HDAC9: variants seen among roughly 807,000 people sequenced by gnomAD.
HDAC9 encodes histone deacetylase 9.
Under a neutral mutation model 139.4 loss-of-function variants are expected in HDAC9, and 41 were observed. The ratio of observed to expected loss-of-function variants is 0.29; its 90% confidence interval spans 0.23 to 0.38. The LOEUF is 0.38. HDAC9 is among the 10% of genes least tolerant of loss of function. The probability of loss-of-function intolerance (pLI) is 1.00; values close to 1 mark genes in which losing one functional copy is unlikely to be tolerated. For missense variants in HDAC9, 1,147 were observed against 1,297.0 expected (o/e 0.88, Z 1.78); for synonymous variants, 517 against 476.2 (o/e 1.09, Z -1.12).
Position 18,793,067 on chromosome 7 carries a change from A to T in HDAC9, c.2215-278A>T, listed in dbSNP as rs1248510292. 2.5e-5 allele frequency: 10 copies of T among 400,394 alleles called. No homozygotes were observed. The Admixed American group carries it at 3.7e-4, about 15-fold the overall frequency. 24.8% of individuals were successfully genotyped at this position (400,394 alleles called of 1,614,324 possible). A position where few individuals can be genotyped will look rare whatever the true frequency, so the allele number is the denominator to read the frequency against. On this transcript the variant is annotated intron_variant, in intron 16 of 25. Coordinates refer to ENST00000686413, the MANE Select transcript of HDAC9 (RefSeq NM_178425.4). ...TTTGTAATGAGAAATCTAAACAGGG[A>T]ATGGCAGTGAGGCATGGCAGGAATG...
At chr7:18,646,580 C>A (rs1319178282) in intron 9 of HDAC9, among the ~76,000 whole-genome samples, 6 of 152,116 alleles carry the variant, frequency 3.9e-5, no homozygotes, top group Admixed American at 1.3e-4. Flanking sequence ...TTAAACATTG[C>A]ATTGACTTAC....
intron 1 of HDAC9, among the ~76,000 whole-genome samples, chr7:18,381,198 C>CAAAAAAAAAAAAAAAAAAAAAAAAGAAAA: frequency 1.4e-5 from 1 of 73,340 alleles, no homozygotes; most frequent in Non-Finnish European, 2.3e-5. Flanking sequence ...GACTCTGTCT[C>CAAAAAAAAAAAAAAAAAAAAAAAAGAAAA]AAAAAAAAAA....
intron 1 of HDAC9, among the ~76,000 whole-genome samples, chr7:18,294,302 T>C (rs1247695007): frequency 5.9e-5 from 9 of 152,112 alleles, no homozygotes; most frequent in Admixed American, 5.2e-4. Context: ...CCCTCTGGTT[T>C]TGGGTATTTA....
chr7:18,650,937 G>A (rs1025725861), intron 11 of HDAC9, among the ~76,000 whole-genome samples: 84 of 152,224 alleles, frequency 5.5e-4, no homozygotes, highest in Middle Eastern at 3.4e-3. Flanking sequence ...GCATATTCAC[G>A]TTGGGTATTC....
chr7:18,394,283 A>G (rs1786818161), intron 1 of HDAC9, among the ~76,000 whole-genome samples: 1 of 152,196 alleles, frequency 6.6e-6, no homozygotes, highest in African/African-American at 2.4e-5. Flanking sequence ...ATTTATTTTA[A>G]CAAATTAAAA....
chr7:18,977,334 C>A (rs1359975492), intron 25 of HDAC9, among the ~76,000 whole-genome samples: 1 of 152,174 alleles, frequency 6.6e-6, no homozygotes, highest in African/African-American at 2.4e-5. Context: ...AGGAAACTAA[C>A]ATCTGTTAGT....
chr7:18,854,443 G>A (rs1201111171), intron 21 of HDAC9, among the ~76,000 whole-genome samples: 4 of 152,180 alleles, frequency 2.6e-5, no homozygotes, highest in African/African-American at 7.2e-5. Context: ...TTGTAATGAC[G>A]TTGATAATGG....
chr7:18,534,353 C>T (rs1440221127), intron 2 of HDAC9, among the ~76,000 whole-genome samples: 1 of 151,952 alleles, frequency 6.6e-6, no homozygotes, highest in Non-Finnish European at 1.5e-5. Flanking sequence ...CCAGCCTGGA[C>T]AACACGGTGT....
At chr7:18,255,032 C>G (rs936004314) in intron 2 of HDAC9, among the ~76,000 whole-genome samples, 5 of 152,096 alleles carry the variant, frequency 3.3e-5, no homozygotes, top group Non-Finnish European at 4.4e-5. Context: ...TGACTTGTTT[C>G]ATAAGTCAAA....
intron 12 of HDAC9, among the ~76,000 whole-genome samples, chr7:18,713,845 A>C (rs1784514711): frequency 6.6e-6 from 1 of 152,148 alleles, no homozygotes; most frequent in Non-Finnish European, 1.5e-5. Context: ...ATCAGAAAGA[A>C]GGCAGAAGTT....
At chr7:18,945,354 C>T (rs1430195791) in intron 23 of HDAC9, among the ~76,000 whole-genome samples, 2 of 152,118 alleles carry the variant, frequency 1.3e-5, no homozygotes, top group Non-Finnish European at 2.9e-5. Flanking sequence ...AAACTTTGGT[C>T]CACCTTCATA....
At chr7:18,484,279 T>A (rs539342964) in intron 1 of HDAC9, among the ~76,000 whole-genome samples, 1 of 150,780 alleles carries the variant, frequency 6.6e-6, no homozygotes, top group Non-Finnish European at 1.5e-5. Flanking sequence ...GAGTTTGCAG[T>A]GAGCTATGAT....
chr7:18,878,015 C>G (rs945355948), intron 22 of HDAC9, among the ~76,000 whole-genome samples: 1 of 152,128 alleles, frequency 6.6e-6, no homozygotes. Context: ...CTAAACCCAG[C>G]ATCAAACTGT....
At chr7:18,166,166 A>G (rs1002432469) in intron 2 of HDAC9, among the ~76,000 whole-genome samples, 15 of 152,230 alleles carry the variant, frequency 9.9e-5, no homozygotes, top group African/African-American at 3.4e-4. Context: ...ATAGAACACA[A>G]TGTGCCTGTT....
At chr7:18,503,778 A>G (rs1220252219) in intron 2 of HDAC9, among the ~76,000 whole-genome samples, 1 of 152,200 alleles carries the variant, frequency 6.6e-6, no homozygotes, top group Non-Finnish European at 1.5e-5. Flanking sequence ...CACTTGTATC[A>G]GAAACTTTTA....
intron 2 of HDAC9, among the ~76,000 whole-genome samples, chr7:18,277,107 C>CA (rs1199040745): frequency 1.3e-5 from 2 of 151,652 alleles, no homozygotes; most frequent in Admixed American, 6.6e-5. Context: ...AAACAAAAAA[C>CA]AAAAAAACAG....
At chr7:18,821,427 G>T (rs1347378948) in intron 17 of HDAC9, among the ~76,000 whole-genome samples, 2 of 152,212 alleles carry the variant, frequency 1.3e-5, no homozygotes, top group Non-Finnish European at 2.9e-5. Context: ...GTAAGTGGAA[G>T]ACATCCCACA....
intron 2 of HDAC9, among the ~76,000 whole-genome samples, chr7:18,580,765 C>A (rs1827566288): frequency 6.6e-6 from 1 of 152,086 alleles, no homozygotes; most frequent in Admixed American, 6.6e-5. Flanking sequence ...TTAAAAATGG[C>A]AGTTAATTTT....
At chr7:18,540,139 G>T (rs1812322900) in intron 2 of HDAC9, among the ~76,000 whole-genome samples, 1 of 150,782 alleles carries the variant, frequency 6.6e-6, no homozygotes. Context: ...CAGGAATTGT[G>T]GTGGGTGCCT....
Sources: gnomAD v4.1 joint callset for allele counts (sites outside exome capture counted in the v4.1 genomes callset) on GRCh38, gnomAD v4.1.1 for gene constraint, MANE v1.5 for transcripts, NCBI Gene and HGNC (gene_info 2026-07-23, HGNC 2026-07-21) for gene names.